The following RNPC3 variants were observed in gnomAD, a reference collection of about 807,000 sequenced individuals.
The protein encoded by RNPC3 is RNA binding region (RNP1, RRM) containing 3.
RNPC3 carries 48 observed loss-of-function variants against 67.5 expected under a neutral mutation model. That is an observed-to-expected ratio of 0.71 (90% CI 0.56 to 0.90). The LOEUF (loss-of-function observed/expected upper bound fraction) is 0.90, where lower values mean the gene tolerates loss of function less well. Ranked by LOEUF, RNPC3 falls within the 40% of genes least tolerant of loss-of-function variation. RNPC3 has a pLI of 0.00. For synonymous variants in RNPC3, 239 were observed against 210.3 expected (o/e 1.14, Z -1.18); for missense variants, 637 against 626.1 (o/e 1.02, Z -0.19).
At chr1:103,547,238 T>A (rs1651268071) in intron 12 of RNPC3, among the ~76,000 whole-genome samples, 1 of 152,220 alleles carries the variant, frequency 6.6e-6, no homozygotes, top group Non-Finnish European at 1.5e-5. Flanking sequence ...AGTAAAAATT[T>A]AATATTTTTA....
chr1:103,531,565 C>T (rs958960567), intron 2 of RNPC3, among the ~76,000 whole-genome samples: 5 of 152,058 alleles, frequency 3.3e-5, no homozygotes, highest in Non-Finnish European at 5.9e-5. Flanking sequence ...GGTATTGCCT[C>T]ATGATTTTGG....
At chr1:103,551,323 G>T (rs1651381968) in intron 13 of RNPC3, 1 of 440,672 alleles carries the variant, frequency 2.3e-6, no homozygotes, top group Non-Finnish European at 4.0e-6. Flanking sequence ...CAGCTCAAAA[G>T]TACATAGGCA....
chr1:103,536,278 A>G, intron 6 of RNPC3, 84 bp downstream of exon 6: 5 of 892,662 alleles, frequency 5.6e-6, no homozygotes, highest in Non-Finnish European at 8.9e-6. Context: ...GTGTTGTAGC[A>G]ACCTCTGATG....
At chr1:103,547,218 A>C (rs1557760563) in intron 12 of RNPC3, among the ~76,000 whole-genome samples, 183 bp downstream of exon 12, 2 of 152,194 alleles carry the variant, frequency 1.3e-5, no homozygotes, top group Non-Finnish European at 2.9e-5. Context: ...TTTTCTGTAA[A>C]TGGGCAGATA....
intron 14 of RNPC3, 30 bp downstream of exon 14, chr1:103,551,822 C>T: frequency 9.5e-7 from 1 of 1,056,526 alleles, no homozygotes; most frequent in Non-Finnish European, 1.3e-6. Context: ...AATAAAAAGA[C>T]AAGACTAATT....
At chr1:103,554,479 A>T (rs1651484345) in intron 14 of RNPC3, 1 of 152,616 alleles carries the variant, frequency 6.6e-6, no homozygotes, top group Admixed American at 6.5e-5. Flanking sequence ...ATATACAAAC[A>T]AGGTCGAGAA....
intron 13 of RNPC3, among the ~76,000 whole-genome samples, chr1:103,551,453 G>A (rs1651384862): frequency 6.6e-6 from 1 of 152,102 alleles, no homozygotes; most frequent in Admixed American, 6.6e-5. Flanking sequence ...GTATATCATT[G>A]ATTAACCATC....
intron 5 of RNPC3, 101 bp from the exon 6 acceptor site, chr1:103,536,025 C>A: frequency 1.2e-6 from 1 of 828,280 alleles, no homozygotes; most frequent in Non-Finnish European, 1.9e-6. Context: ...TCTTCCTTTA[C>A]ACTCAATAAA....
At position 103,533,855 on chromosome 1, in the gene RNPC3, A is replaced by AGGT; in HGVS notation, c.357_358insGGT (p.Lys119_Arg120insGly). On this transcript the variant is annotated inframe_insertion and splice_region_variant, in exon 3 of 15. Transcript: ENST00000423855. ...CCACTTCAGGCTCTGAAAAAAAAAA[A>AGGT]AGGTATGTAGATCAGTAAATCATAC... The AGGT allele has an allele frequency of 2.1e-6, 3 of 1,420,404 alleles. No individual in the cohort carries two copies. The highest frequency in any genetic ancestry group is 2.9e-6 in the Non-Finnish European group (3 of 1,043,424). 88.0% of individuals were successfully genotyped at this position (1,420,404 alleles called of 1,614,324 possible).
chr1:103,537,231 TA>T (rs553487095), intron 6 of RNPC3, 110 bp from the exon 7 acceptor site: 107,515 of 603,156 alleles, frequency 0.18, 27 homozygotes, highest in East Asian at 0.29. Context: ...TAGAATGTGT[TA>T]AAAAAAAAAA....
chr1:103,543,946 AT>A (rs566613342), intron 9 of RNPC3, among the ~76,000 whole-genome samples: 12 of 151,740 alleles, frequency 7.9e-5, no homozygotes, highest in African/African-American at 2.4e-5. Flanking sequence ...GAAATTACAG[AT>A]TTTTTTTACT....
At chr1:103,527,661 A>G (rs1650752289) in intron 1 of RNPC3, 34 bp from the exon 2 acceptor site, 3 of 1,485,760 alleles carry the variant, frequency 2.0e-6, no homozygotes, top group Non-Finnish European at 2.8e-6. Flanking sequence ...CTGAAATTAT[A>G]TTGGAAGTAA....
At position 103,551,983 on chromosome 1, in the gene RNPC3, T is replaced by C. The variant is rs1167226056; in HGVS notation, c.*12+191T>C. ...ATTAAAACCCATTTATATGTGAAAA[T>C]TAAGTTTGGAGAATGAATCTTATAA... On this transcript the variant is annotated intron_variant, in intron 14 of 14. Transcript: ENST00000423855. 16 of 406,092 alleles carry C rather than the reference T, an allele frequency of 3.9e-5. No individual in the cohort carries two copies. In the East Asian group the frequency reaches 6.6e-4, roughly 17 times the overall value. 25.2% of individuals were successfully genotyped at this position (406,092 alleles called of 1,614,324 possible). A position where few individuals can be genotyped will look rare whatever the true frequency, so the allele number is the denominator to read the frequency against.
Position 103,526,062 on chromosome 1 carries a change from C to A in RNPC3, c.-9C>A, listed in dbSNP as rs920098175. 2.0e-5 allele frequency: 31 copies of A among 1,513,242 alleles called. No homozygotes were observed. In the South Asian group the frequency reaches 2.8e-4, roughly 14 times the overall value. The allele number at this position is 1,513,242 out of a possible 1,614,324, so 93.7% of individuals were successfully genotyped here. A position where few individuals can be genotyped will look rare whatever the true frequency, so the allele number is the denominator to read the frequency against. Reference sequence around the variant, plus strand: ...TCCCACGATTTCTGTTTTTGCTTCTCCAAGGAAAATGGCAGCTCCCGAGCA... The same window carrying A: ...TCCCACGATTTCTGTTTTTGCTTCTACAAGGAAAATGGCAGCTCCCGAGCA... On this transcript the variant is annotated 5_prime_UTR_variant, in exon 1 of 15. Coordinates refer to ENST00000423855, the MANE Select transcript of RNPC3 (RefSeq NM_017619.4).
chr1:103,527,830 A>C (rs1292747268), intron 2 of RNPC3, 88 bp downstream of exon 2: 7 of 949,652 alleles, frequency 7.4e-6, no homozygotes, highest in Non-Finnish European at 1.1e-5. Context: ...GGTTTTTAAG[A>C]AGCAAAAGCG....
intron 7 of RNPC3, among the ~76,000 whole-genome samples, chr1:103,540,933 A>G (rs745537101): frequency 6.6e-6 from 1 of 152,176 alleles, no homozygotes; most frequent in Non-Finnish European, 1.5e-5. Flanking sequence ...TTTAAATGAC[A>G]TATTTCAGTC....
intron 6 of RNPC3, 80 bp from the exon 7 acceptor site, chr1:103,537,262 G>T: frequency 7.6e-6 from 7 of 922,860 alleles, no homozygotes; most frequent in Admixed American, 3.2e-5. Flanking sequence ...TGATAGAAAT[G>T]AGAATGAAGT....
Position 103,526,280 on chromosome 1 carries a change from C to T in RNPC3, c.192+18C>T, listed in dbSNP as rs1184072940. The T allele has an allele frequency of 2.0e-6, 3 of 1,511,662 alleles. No individual in the cohort carries two copies. Among genetic ancestry groups the T allele is most frequent in the African/African-American group, 2.8e-5 (2 of 71,840 alleles). The allele number at this position is 1,511,662 out of a possible 1,614,324, so 93.6% of individuals were successfully genotyped here. Reference sequence around the variant, plus strand: ...GGCGACTGGTAAGGGCGCGCCCCTCCGGAGTCTCCCGGGAAGGCATTTGGG... The same window carrying T: ...GGCGACTGGTAAGGGCGCGCCCCTCTGGAGTCTCCCGGGAAGGCATTTGGG... On this transcript the variant is annotated intron_variant, in intron 1 of 14. Transcript: ENST00000423855.
intron 5 of RNPC3, 92 bp from the exon 6 acceptor site, chr1:103,536,034 A>G (rs909164818): frequency 3.3e-6 from 3 of 920,102 alleles, no homozygotes; most frequent in African/African-American, 3.3e-5. Flanking sequence ...ACACTCAATA[A>G]ATAGTGTTAT....
Sources: gnomAD v4.1 joint callset for allele counts (sites outside exome capture counted in the v4.1 genomes callset) on GRCh38, gnomAD v4.1.1 for gene constraint, MANE v1.5 for transcripts, NCBI Gene and HGNC (gene_info 2026-07-23, HGNC 2026-07-21) for gene names.